The following CRACR2A variants were observed in gnomAD, a reference collection of about 807,000 sequenced individuals.
CRACR2A encodes EF-hand calcium-binding domain-containing protein 4B.
A neutral mutation model predicts 90.5 loss-of-function variants in CRACR2A; 79 were observed. The observed-to-expected ratio is 0.87, with a 90% CI of 0.73 to 1.05. The LOEUF is 1.05. Among genes scored for constraint, CRACR2A ranks in the 50% least tolerant of loss-of-function variants. The pLI is 0.00. For synonymous variants in CRACR2A, 338 were observed against 356.7 expected, an observed-to-expected ratio of 0.95 and a Z score of 0.59; for missense variants, 823 against 897.2, an observed-to-expected ratio of 0.92 and a Z score of 1.06.
At chr12:3,635,987 A>T (rs1478814565) in intron 14 of CRACR2A, among the ~76,000 whole-genome samples, 1 of 152,226 alleles carries the variant, frequency 6.6e-6, no homozygotes, top group Non-Finnish European at 1.5e-5. Flanking sequence ...TAGTCATTAA[A>T]GAGTTTTGAA....
intron 3 of CRACR2A, among the ~76,000 whole-genome samples, chr12:3,708,563 T>C (rs1360394524): frequency 6.6e-6 from 1 of 152,226 alleles, no homozygotes; most frequent in Non-Finnish European, 1.5e-5. Context: ...TAGCTGGGAC[T>C]ACAGGTGCCC....
At chr12:3,747,213 A>G (rs944711547) in intron 1 of CRACR2A, among the ~76,000 whole-genome samples, 1 of 152,196 alleles carries the variant, frequency 6.6e-6, no homozygotes, top group Admixed American at 6.5e-5. Flanking sequence ...AAAGTTACTC[A>G]GCCTCTTGAA....
Position 3,643,886 on chromosome 12 carries a change from TA to T in CRACR2A, c.1164+708del, listed in dbSNP as rs201433368. 3.3e-3 allele frequency among the ~76,000 whole-genome samples: 147 copies of T among 43,992 alleles called. 2 individuals are homozygous for T. The highest frequency in any genetic ancestry group is 5.0e-3 in the Non-Finnish European group (122 of 24,208). 28.9% of individuals were successfully genotyped at this position (43,992 alleles called of 152,430 possible). A position where few individuals can be genotyped will look rare whatever the true frequency, so the allele number is the denominator to read the frequency against. On this transcript the variant is annotated intron_variant, in intron 12 of 19. Transcript: ENST00000440314. ...TTATATATATTATATATATTTATAT[TA>T]ATATATAATATATATTATATATATT...
chr12:3,680,847 G>A (rs1945434054), intron 4 of CRACR2A, among the ~76,000 whole-genome samples: 1 of 152,232 alleles, frequency 6.6e-6, no homozygotes, highest in Non-Finnish European at 1.5e-5. Context: ...ACAGCATGGT[G>A]CTGTAAAGTT....
At chr12:3,718,431 G>C (rs558134086) in intron 2 of CRACR2A, among the ~76,000 whole-genome samples, 1 of 152,256 alleles carries the variant, frequency 6.6e-6, no homozygotes, top group South Asian at 2.1e-4. Flanking sequence ...TCCATGCCTT[G>C]GGGGGATGGC....
intron 4 of CRACR2A, among the ~76,000 whole-genome samples, chr12:3,688,406 T>C (rs1945601266): frequency 6.6e-6 from 1 of 152,234 alleles, no homozygotes; most frequent in Non-Finnish European, 1.5e-5. Flanking sequence ...ATTCTGCATA[T>C]GACTAGCCAG....
intron 1 of CRACR2A, among the ~76,000 whole-genome samples, chr12:3,751,175 A>C (rs1946696277): frequency 6.6e-6 from 1 of 152,194 alleles, no homozygotes; most frequent in Non-Finnish European, 1.5e-5. Context: ...CAATCATAGC[A>C]ATCTCCTCAT....
intron 2 of CRACR2A, chr12:3,726,843 A>G (rs1333542761): frequency 2.0e-5 from 3 of 152,106 alleles, no homozygotes; most frequent in African/African-American, 7.2e-5. Context: ...AAGAAAAAAA[A>G]AAGAAAGAAA....
Position 3,651,253 on chromosome 12 carries a change from T to A in CRACR2A, c.1047-2640A>T, listed in dbSNP as rs1944789159. Reference sequence around the variant, plus strand: ...CAGTATGCTTAGTATGCTACTGATTTATAAAGGAAAAGTGTGTGTGTATGC... The same window carrying A: ...CAGTATGCTTAGTATGCTACTGATTAATAAAGGAAAAGTGTGTGTGTATGC... On this transcript the variant is annotated intron_variant, in intron 10 of 19. Transcript: ENST00000440314. Among the ~76,000 whole-genome samples, 3 of 152,230 alleles carry A rather than the reference T, an allele frequency of 2.0e-5. No individual in the cohort carries two copies. The South Asian group carries it at 6.2e-4, about 31-fold the overall frequency.
In CRACR2A at chr12:3,677,589, C is replaced by T. The variant is rs553359400; in HGVS notation, c.524+1326G>A. 1.2e-3 allele frequency among the ~76,000 whole-genome samples: 187 copies of T among 152,334 alleles called. 4 individuals carry two copies. Among genetic ancestry groups the T allele is most frequent in the African/African-American group, 4.0e-3 (167 of 41,574 alleles). The stretch of plus-strand genomic sequence containing the variant: ...CTCACCTGCACTGCCTTCTCCTTCC[C>T]CCTTCTCCAGGAGGAGGTGTCACAC... On this transcript the variant is annotated intron_variant, in intron 6 of 19. Transcript: ENST00000440314.
intron 1 of CRACR2A, among the ~76,000 whole-genome samples, chr12:3,745,756 C>T (rs981467644): frequency 1.2e-5 from 1 of 81,298 alleles, no homozygotes; most frequent in Non-Finnish European, 2.5e-5. Context: ...CCAGCCTGGG[C>T]AACAAGAACA....
At position 3,648,389 on chromosome 12, in the gene CRACR2A, C is replaced by G; in HGVS notation, c.1118+153G>C. On this transcript the variant is annotated intron_variant, in intron 11 of 19. Transcript: ENST00000440314. ...CATAATAGAGTGGCTACTTGGTGGT[C>G]CAAACACTGCACTGGGGACCAAGGG... 4 of 1,543,166 alleles carry G rather than the reference C, an allele frequency of 2.6e-6. No individual in the cohort carries two copies. In the East Asian group the frequency reaches 9.1e-5, roughly 35 times the overall value.
At chr12:3,687,333 T>C (rs1437810333) in intron 4 of CRACR2A, among the ~76,000 whole-genome samples, 1 of 152,082 alleles carries the variant, frequency 6.6e-6, no homozygotes, top group African/African-American at 2.4e-5. Context: ...TTCCGGATCC[T>C]CTCCCTTCTT....
At chr12:3,674,598 T>C (rs1945308268) in intron 6 of CRACR2A, among the ~76,000 whole-genome samples, 1 of 152,258 alleles carries the variant, frequency 6.6e-6, no homozygotes, top group Non-Finnish European at 1.5e-5. Flanking sequence ...AGTTTGAAAG[T>C]TATATAATAA....
chr12:3,657,439 G>A (rs906344582), intron 8 of CRACR2A, among the ~76,000 whole-genome samples: 4 of 152,202 alleles, frequency 2.6e-5, no homozygotes, highest in South Asian at 2.1e-4. Context: ...GCAGCAGCGC[G>A]GTGGGGGAAC....
At chr12:3,631,517 A>C (rs1944375651) in intron 15 of CRACR2A, among the ~76,000 whole-genome samples, 1 of 152,136 alleles carries the variant, frequency 6.6e-6, no homozygotes, top group Non-Finnish European at 1.5e-5. Flanking sequence ...TCGACCTCCC[A>C]GGCGCTGTCT....
intron 8 of CRACR2A, among the ~76,000 whole-genome samples, chr12:3,658,919 A>G (rs1298054907): frequency 6.6e-6 from 1 of 152,130 alleles, no homozygotes; most frequent in Non-Finnish European, 1.5e-5. Context: ...TCTTGAGACA[A>G]ATGGCAGGGC....
intron 14 of CRACR2A, among the ~76,000 whole-genome samples, chr12:3,634,067 G>A (rs1944419377): frequency 6.6e-6 from 1 of 152,202 alleles, no homozygotes; most frequent in South Asian, 2.1e-4. Flanking sequence ...GGACAACTCG[G>A]TGCTCCAAGT....
At chr12:3,648,441 C>T (rs750735904) in intron 11 of CRACR2A, 101 bp downstream of exon 11, 57 of 1,599,540 alleles carry the variant, frequency 3.6e-5, no homozygotes, top group South Asian at 1.6e-4. Context: ...TCAGCAGGCA[C>T]GTTTTTCCAG....
Sources: gnomAD v4.1 joint callset for allele counts (sites outside exome capture counted in the v4.1 genomes callset) on GRCh38, gnomAD v4.1.1 for gene constraint, MANE v1.5 for transcripts, NCBI Gene and HGNC (gene_info 2026-07-23, HGNC 2026-07-21) for gene names.